Variants in KATNIP observed in about 807,000 individuals in gnomAD.
KATNIP encodes the protein katanin interacting protein.
Under a neutral mutation model 174.0 loss-of-function variants are expected in KATNIP, and 126 were observed. That is an observed-to-expected ratio of 0.72 (90% CI 0.63 to 0.84). KATNIP has a LOEUF of 0.84. Ranked by LOEUF, KATNIP falls within the 40% of genes least tolerant of loss-of-function variation. The pLI is 0.00. For missense variants in KATNIP, 1,958 were observed against 2,109.7 expected (o/e 0.93, Z 1.41); for synonymous variants, 810 against 835.7 (o/e 0.97, Z 0.53).
intron 16 of KATNIP, 105 bp from the exon 17 acceptor site, chr16:27,751,614 G>C: frequency 2.0e-6 from 2 of 1,003,338 alleles, no homozygotes; most frequent in Admixed American, 3.7e-5. Context: ...CCAGTTAAGG[G>C]TGTGGGGTTG....
At chr16:27,742,129 T>C (rs1233427983) in intron 15 of KATNIP, among the ~76,000 whole-genome samples, 5 of 151,970 alleles carry the variant, frequency 3.3e-5, no homozygotes, top group Non-Finnish European at 4.4e-5. Flanking sequence ...AGGGCATTCC[T>C]GATTATGAAA....
chr16:27,584,848 A>G (rs577962643), intron 2 of KATNIP, among the ~76,000 whole-genome samples: 34 of 152,166 alleles, frequency 2.2e-4, no homozygotes, highest in Non-Finnish European at 3.5e-4. Context: ...ACAATGCCCT[A>G]TAAGGCAAGG....
intron 15 of KATNIP, among the ~76,000 whole-genome samples, chr16:27,745,196 G>T (rs891890008): frequency 7.2e-5 from 11 of 152,296 alleles, no homozygotes; most frequent in Non-Finnish European, 1.3e-4. Flanking sequence ...GTTATTTGGA[G>T]AATCCTTAAT....
intron 12 of KATNIP, among the ~76,000 whole-genome samples, chr16:27,707,566 C>G (rs1020239130): frequency 2.6e-5 from 4 of 152,258 alleles, no homozygotes; most frequent in African/African-American, 9.6e-5. Flanking sequence ...CTTCCCCAAC[C>G]AGGCCGAGGG....
chr16:27,633,392 G>C (rs905733849), intron 5 of KATNIP, among the ~76,000 whole-genome samples: 1 of 148,948 alleles, frequency 6.7e-6, no homozygotes, highest in Non-Finnish European at 1.5e-5. Flanking sequence ...ATTTATTTTT[G>C]TACTATATTT....
intron 6 of KATNIP, among the ~76,000 whole-genome samples, chr16:27,668,758 CA>C (rs1250167679): frequency 2.6e-5 from 4 of 152,170 alleles, no homozygotes; most frequent in Non-Finnish European, 5.9e-5. Flanking sequence ...ACAATCCCAG[CA>C]CTTTGGGAGT....
At chr16:27,680,002 A>T (rs1307425081) in intron 7 of KATNIP, among the ~76,000 whole-genome samples, 1 of 151,864 alleles carries the variant, frequency 6.6e-6, no homozygotes, top group Non-Finnish European at 1.5e-5. Flanking sequence ...TGCTTATTCC[A>T]CAAAGCCTTC....
At chr16:27,642,524 C>T (rs1011869217) in intron 5 of KATNIP, among the ~76,000 whole-genome samples, 1 of 152,166 alleles carries the variant, frequency 6.6e-6, no homozygotes, top group African/African-American at 2.4e-5. Flanking sequence ...AGGAAGACCT[C>T]CAGGAATCTC....
rs148704304 is a variant in KATNIP, at chr16:27,740,352, T to G, written c.2055T>G (p.Thr685=). 3 of 1,614,114 alleles carry G rather than the reference T, an allele frequency of 1.9e-6. No homozygotes were observed. Among genetic ancestry groups the G allele is most frequent in the African/African-American group, 2.7e-5 (2 of 74,930 alleles). Residue 685 remains threonine, a synonymous_variant, in exon 15 of 28, where the codon ACT becomes ACG. Coordinates refer to ENST00000261588, the MANE Select transcript of KATNIP (RefSeq NM_015202.5). ...GNVSGKRKNS[T]NCRKDSLSQL... is the part of the protein sequence containing the mutation. The stretch of plus-strand genomic sequence containing the variant: ...TGTCTGGCAAAAGAAAGAATTCTAC[T>G]AATTGCAGGAAAGACAGTTTGTCCC...
At chr16:27,733,597 A>ACACG (rs2080782181) in intron 14 of KATNIP, among the ~76,000 whole-genome samples, 1 of 151,830 alleles carries the variant, frequency 6.6e-6, no homozygotes, top group Non-Finnish European at 1.5e-5. Context: ...ACACACACAC[A>ACACG]CACACATATG....
chr16:27,733,731 C>G (rs1031269429), intron 14 of KATNIP, among the ~76,000 whole-genome samples: 2 of 152,076 alleles, frequency 1.3e-5, no homozygotes, highest in African/African-American at 4.8e-5. Flanking sequence ...GCCCTGACGA[C>G]TGGAGGGGGA....
At chr16:27,679,815 A>G (rs1468037927) in intron 7 of KATNIP, among the ~76,000 whole-genome samples, 1 of 151,756 alleles carries the variant, frequency 6.6e-6, no homozygotes, top group Admixed American at 6.6e-5. Context: ...CACACCCAAT[A>G]ACTGACATCT....
intron 2 of KATNIP, among the ~76,000 whole-genome samples, chr16:27,611,864 T>A (rs2142017715): frequency 1.3e-5 from 2 of 152,316 alleles, no homozygotes; most frequent in South Asian, 4.1e-4. Flanking sequence ...GATTTCACAC[T>A]GTATTGTATA....
At chr16:27,752,325 A>G (rs565717764) in intron 17 of KATNIP, among the ~76,000 whole-genome samples, 1 of 152,296 alleles carries the variant, frequency 6.6e-6, no homozygotes, top group South Asian at 2.1e-4. Flanking sequence ...TGATCATCAC[A>G]GCCATGGTTT....
intron 13 of KATNIP, among the ~76,000 whole-genome samples, chr16:27,711,792 G>T (rs2079586209): frequency 6.6e-6 from 1 of 152,240 alleles, no homozygotes; most frequent in Non-Finnish European, 1.5e-5. Context: ...ACTGTCCCCA[G>T]GGTTGGACTG....
In KATNIP at chr16:27,761,596, T is replaced by A; in HGVS notation, c.3809+6T>A. On this transcript the variant is annotated splice_donor_region_variant and intron_variant, in intron 19 of 27. Transcript: ENST00000261588. ...GACTCCCGGGCCCTGGACAAGTAAGTGTCTATCAGAAGCTTTACTTTCATG... is the reference window on the plus strand; with the variant it reads ...GACTCCCGGGCCCTGGACAAGTAAGAGTCTATCAGAAGCTTTACTTTCATG... 6.2e-7 allele frequency: 1 copy of A among 1,610,418 alleles called. No individual in the cohort carries two copies. Among genetic ancestry groups the A allele is most frequent in the East Asian group, 2.2e-5 (1 of 44,858 alleles).
chr16:27,736,756 T>TA (rs1391409478), intron 14 of KATNIP, among the ~76,000 whole-genome samples: 1 of 152,022 alleles, frequency 6.6e-6, no homozygotes, highest in Non-Finnish European at 1.5e-5. Flanking sequence ...TTTCAGTTGT[T>TA]AAAAAAAGAC....
chr16:27,584,286 A>G lies in KATNIP; in HGVS notation c.63+10330A>G, dbSNP rs377766519. 3.3e-5 allele frequency among the ~76,000 whole-genome samples: 5 copies of G among 152,112 alleles called. No individual in the cohort carries two copies. In the South Asian group the frequency reaches 1.0e-3, roughly 32 times the overall value. On this transcript the variant is annotated intron_variant, in intron 2 of 27. Transcript: ENST00000261588. Reference sequence around the variant, plus strand: ...ACTCTTCAGCCACGGCCCCAGATAGAGACTCGCTGGCCCATCTAGGGTTGT... The same window carrying G: ...ACTCTTCAGCCACGGCCCCAGATAGGGACTCGCTGGCCCATCTAGGGTTGT...
intron 2 of KATNIP, among the ~76,000 whole-genome samples, chr16:27,609,599 C>T (rs2075825467): frequency 6.6e-6 from 1 of 151,088 alleles, no homozygotes; most frequent in Non-Finnish European, 1.5e-5. Context: ...ACTGTGTTAG[C>T]CAGGGTGGTC....
Sources: gnomAD v4.1 joint callset for allele counts (sites outside exome capture counted in the v4.1 genomes callset) on GRCh38, gnomAD v4.1.1 for gene constraint, MANE v1.5 for transcripts, NCBI Gene and HGNC (gene_info 2026-07-23, HGNC 2026-07-21) for gene names.